The following CAMTA1 variants were observed in gnomAD, a reference collection of about 807,000 sequenced individuals.
The protein encoded by CAMTA1 is calmodulin binding transcription activator 1, also known as calmodulin-binding transcription activator 1.
In CAMTA1, 27 loss-of-function variants were observed where a neutral mutation model predicts 170.9. That is an observed-to-expected ratio of 0.16 (90% CI 0.12 to 0.22). The LOEUF (loss-of-function observed/expected upper bound fraction) is 0.22, where lower values mean the gene tolerates loss of function less well. Ranked by LOEUF, CAMTA1 falls within the 10% of genes least tolerant of loss-of-function variation. CAMTA1 has a pLI of 1.00. For missense variants in CAMTA1, 1,619 were observed against 2,217.2 expected (o/e 0.73, Z 5.42); for synonymous variants, 833 against 891.5 (o/e 0.93, Z 1.17).
rs1573636126 is a variant in CAMTA1 at position 7,173,044 on chromosome 1, G to A, written c.303-76447G>A. 6.6e-6 allele frequency among the ~76,000 whole-genome samples: 1 copy of A among 152,246 alleles called. No individual in the cohort carries two copies. Among genetic ancestry groups the A allele is most frequent in the African/African-American group, 2.4e-5 (1 of 41,470 alleles). On this transcript the variant is annotated intron_variant, in intron 4 of 22. Transcript: ENST00000303635. The surrounding 1 kb of genome is among the most constrained non-coding windows in gnomAD (Gnocchi z 5.4). ...CGTGCTGGAGCGTGGCTGGGGACAG[G>A]CTGTGCGGGAGGCGCAGGGGTGAGG...
intron 11 of CAMTA1, among the ~76,000 whole-genome samples, chr1:7,704,380 G>C (rs1018557796): frequency 1.1e-4 from 16 of 146,292 alleles, no homozygotes; most frequent in Non-Finnish European, 2.3e-4. Flanking sequence ...TCCCGGCCTC[G>C]AGGGAACCGT....
intron 5 of CAMTA1, among the ~76,000 whole-genome samples, chr1:7,428,478 G>A (rs2091983075): frequency 6.6e-6 from 1 of 152,114 alleles, no homozygotes; most frequent in Admixed American, 6.5e-5. Flanking sequence ...ACCCTGCCCT[G>A]CTCAGTTGCC....
At chr1:7,345,557 T>C (rs2084163609) in intron 5 of CAMTA1, among the ~76,000 whole-genome samples, 1 of 152,216 alleles carries the variant, frequency 6.6e-6, no homozygotes, top group African/African-American at 2.4e-5. Context: ...GTTGTATCCA[T>C]AGGAAGCTTG....
At chr1:7,708,252 G>A (rs944971289) in intron 11 of CAMTA1, among the ~76,000 whole-genome samples, 68 of 152,310 alleles carry the variant, frequency 4.5e-4, no homozygotes, top group African/African-American at 1.6e-3. Flanking sequence ...GATCGCCTGA[G>A]CCTGGTAGGT....
rs33927662 is a variant in CAMTA1, at chr1:7,044,897, T to TA, written c.235-46396dup. Among the ~76,000 whole-genome samples the TA allele has an allele frequency of 2.7e-5, 4 of 150,036 alleles. No individual in the cohort carries two copies. The highest frequency in any genetic ancestry group is 5.9e-5 in the Non-Finnish European group (4 of 67,566). On this transcript the variant is annotated intron_variant, in intron 3 of 22. Coordinates refer to ENST00000303635, the MANE Select transcript of CAMTA1 (RefSeq NM_015215.4). The surrounding 1 kb of genome is among the most constrained non-coding windows in gnomAD (Gnocchi z 5.0). Reference sequence around the variant, plus strand: ...CCCATTAACATCCCGCCATTTTGATTAAAAAAAAAAATCCCCCAAAATAAA... The same window carrying TA: ...CCCATTAACATCCCGCCATTTTGATTAAAAAAAAAAAATCCCCCAAAATAAA...
At chr1:7,258,413 A>G (rs920393884) in intron 5 of CAMTA1, among the ~76,000 whole-genome samples, 4 of 152,218 alleles carry the variant, frequency 2.6e-5, no homozygotes, top group Non-Finnish European at 4.4e-5. Context: ...ACTGCACGTT[A>G]GCCCATAAGG....
intron 11 of CAMTA1, among the ~76,000 whole-genome samples, chr1:7,699,509 C>T (rs3124804): frequency 0.92 from 140,793 of 152,250 alleles, 65,203 homozygotes; most frequent in East Asian, 1. Context: ...TGGACATCTC[C>T]TTTCATTCTC....
chr1:7,464,758 A>G (rs1458060095), intron 5 of CAMTA1, among the ~76,000 whole-genome samples: 1 of 152,138 alleles, frequency 6.6e-6, no homozygotes, highest in Non-Finnish European at 1.5e-5. Context: ...CGGGGGGTCC[A>G]AGGAGCATCC....
In CAMTA1 at chr1:7,562,296, G is replaced by T. The variant is rs2094967557; in HGVS notation, c.511-78104G>T. Reference sequence around the variant, plus strand: ...ATTTGATGGTGTTTTGCCTTGGTTTGAATATGTAAAGGCACTAAGCTGTTT... The same window carrying T: ...ATTTGATGGTGTTTTGCCTTGGTTTTAATATGTAAAGGCACTAAGCTGTTT... On this transcript the variant is annotated intron_variant, in intron 6 of 22. Coordinates refer to ENST00000303635, the MANE Select transcript of CAMTA1 (RefSeq NM_015215.4). This position sits in a 1 kb window ranked among gnomAD's most constrained non-coding sequence, Gnocchi z 4.8. Among the ~76,000 whole-genome samples, 1 of 152,348 alleles carries T rather than the reference G, an allele frequency of 6.6e-6. No homozygotes were observed. The highest frequency in any genetic ancestry group is 2.1e-4 in the South Asian group (1 of 4,830).
chr1:6,958,567 AAAATCTGTTGACGG>A (rs955027548), intron 3 of CAMTA1, among the ~76,000 whole-genome samples: 2 of 152,216 alleles, frequency 1.3e-5, no homozygotes, highest in African/African-American at 4.8e-5. Context: ...CGTCACCCAG[AAAATCTGTTGACGG>A]AACCGTTCTC....
At chr1:6,999,845 G>A (rs1174845374) in intron 3 of CAMTA1, among the ~76,000 whole-genome samples, 5 of 152,166 alleles carry the variant, frequency 3.3e-5, no homozygotes, top group Non-Finnish European at 7.3e-5. Flanking sequence ...AGGAGAATAC[G>A]TTGGTGATAA....
At chr1:6,956,055 G>T (rs908269817) in intron 3 of CAMTA1, among the ~76,000 whole-genome samples, 3 of 152,138 alleles carry the variant, frequency 2.0e-5, no homozygotes, top group Admixed American at 2.0e-4. Context: ...GATACGTACT[G>T]AGCGTCGCCT....
chr1:7,697,045 T>A (rs2149460275), intron 11 of CAMTA1, among the ~76,000 whole-genome samples: 1 of 152,290 alleles, frequency 6.6e-6, no homozygotes, highest in African/African-American at 2.4e-5. Context: ...GCACCTCTCT[T>A]GTACCTGTGT....
intron 5 of CAMTA1, among the ~76,000 whole-genome samples, chr1:7,445,157 C>T (rs17030882): frequency 0.11 from 17,106 of 151,250 alleles, 2,126 homozygotes; most frequent in African/African-American, 0.31. Context: ...CCTGAATCCA[C>T]TAGGAATGTG....
At chr1:6,899,972 G>C (rs951064547) in intron 3 of CAMTA1, among the ~76,000 whole-genome samples, 2 of 152,228 alleles carry the variant, frequency 1.3e-5, no homozygotes. Flanking sequence ...TGGATTGTCA[G>C]TTACCTATAA....
intron 5 of CAMTA1, among the ~76,000 whole-genome samples, chr1:7,326,958 C>A (rs1167929768): frequency 6.6e-6 from 1 of 151,972 alleles, no homozygotes; most frequent in African/African-American, 2.4e-5. Context: ...ACTGTGACAG[C>A]CAAGCGAACA....
At position 7,748,574 on chromosome 1, in the gene CAMTA1, A is replaced by G. The variant is rs1309408717; in HGVS notation, c.4689+793A>G. On this transcript the variant is annotated intron_variant, in intron 19 of 22. Coordinates refer to ENST00000303635, the MANE Select transcript of CAMTA1 (RefSeq NM_015215.4). This position sits in a 1 kb window ranked among gnomAD's most constrained non-coding sequence, Gnocchi z 4.7. Reference sequence around the variant, plus strand: ...CTTTGATAAACTCCCTAGTAATTAGAGAACTGTAGGGAATCCAGGGTGTGA... The same window carrying G: ...CTTTGATAAACTCCCTAGTAATTAGGGAACTGTAGGGAATCCAGGGTGTGA... Among the ~76,000 whole-genome samples the G allele has an allele frequency of 6.6e-6, 1 of 152,238 alleles. No individual in the cohort carries two copies. Among genetic ancestry groups the G allele is most frequent in the African/African-American group, 2.4e-5 (1 of 41,458 alleles).
chr1:7,235,229 G>A (rs968197848), intron 4 of CAMTA1, among the ~76,000 whole-genome samples: 1 of 152,244 alleles, frequency 6.6e-6, no homozygotes, highest in African/African-American at 2.4e-5. Flanking sequence ...CTCTTGCTTG[G>A]TTGTTCGGGA....
At chr1:6,821,195 C>T (rs754576160) in intron 2 of CAMTA1, among the ~76,000 whole-genome samples, 1 of 152,064 alleles carries the variant, frequency 6.6e-6, no homozygotes, top group Non-Finnish European at 1.5e-5. Context: ...TTTCTTTAAC[C>T]TTTTAAAAAT....
Sources: allele counts gnomAD v4.1 joint callset (sites outside exome capture counted in the v4.1 genomes callset), GRCh38; gene constraint gnomAD v4.1.1; non-coding constraint Gnocchi (gnomAD v3.1); transcripts MANE v1.5; gene names NCBI Gene and HGNC (gene_info 2026-07-23, HGNC 2026-07-21).